PLA2G6: variants seen among roughly 807,000 people sequenced by gnomAD.
The protein encoded by PLA2G6 is 85/88 kDa calcium-independent phospholipase A2.
In PLA2G6, 62 loss-of-function variants were observed where a neutral mutation model predicts 83.8. That is an observed-to-expected ratio of 0.74 (90% CI 0.60 to 0.91). PLA2G6 has a LOEUF of 0.91. Among genes scored for constraint, PLA2G6 ranks in the 40% least tolerant of loss-of-function variants. The pLI is 0.00. For synonymous variants in PLA2G6, 417 were observed against 449.8 expected, an observed-to-expected ratio of 0.93 and a Z score of 0.92; for missense variants, 944 against 1,102.0, an observed-to-expected ratio of 0.86 and a Z score of 2.03.
At chr22:38,156,189 G>A (rs1293117637) in intron 2 of PLA2G6, among the ~76,000 whole-genome samples, 2 of 152,104 alleles carry the variant, frequency 1.3e-5, no homozygotes, top group African/African-American at 4.8e-5. Flanking sequence ...AGTATTCTTA[G>A]AGCTAAAGAG....
At chr22:38,168,519 C>T (rs1209836315) in intron 2 of PLA2G6, among the ~76,000 whole-genome samples, 1 of 152,192 alleles carries the variant, frequency 6.6e-6, no homozygotes, top group Admixed American at 6.5e-5. Flanking sequence ...CTAAGCAAAC[C>T]CTGGGCAGCC....
intron 5 of PLA2G6, chr22:38,138,012 T>C (rs1210251514): frequency 6.6e-6 from 1 of 152,248 alleles, no homozygotes; most frequent in Non-Finnish European, 1.5e-5. Flanking sequence ...GCCTCTTCCT[T>C]TGTCTTCTGT....
In PLA2G6 at chr22:38,115,533, G is replaced by C. The variant is rs561645994; in HGVS notation, c.2028C>G (p.Ile676Met). Residue 676 changes from isoleucine (I) to methionine (M), a missense_variant, in exon 14 of 17, where the codon ATC becomes ATG. By Grantham distance (10) the Ile-to-Met change is conservative (BLOSUM62 1). Coordinates refer to ENST00000332509, the MANE Select transcript of PLA2G6 (RefSeq NM_003560.4). ...TEIHEYNQDL[I>M]RKGQANKVKK... ...TCTGGCCTACGGCACTCACCTTGCG[G>C]ATCAGGTCCTGATTGTACTCATGGA... is the stretch of plus-strand genomic sequence containing the variant. 1 of 1,613,192 alleles carries C rather than the reference G, an allele frequency of 6.2e-7. No individual in the cohort carries two copies. The highest frequency in any genetic ancestry group is 1.3e-5 in the African/African-American group (1 of 75,064).
At chr22:38,165,645 G>A (rs132967) in intron 2 of PLA2G6, among the ~76,000 whole-genome samples, 17,701 of 152,038 alleles carry the variant, frequency 0.12, 1,254 homozygotes, top group African/African-American at 0.18. Flanking sequence ...AGGCTGAGGC[G>A]GGCAGATCAC....
intron 2 of PLA2G6, among the ~76,000 whole-genome samples, chr22:38,162,223 GA>G (rs1275564882): frequency 0.03 from 2,998 of 99,248 alleles, 41 homozygotes; most frequent in Middle Eastern, 0.065. Flanking sequence ...AAAAAAAAAA[GA>G]AAAAAAAAAA....
At chr22:38,122,221 C>T (rs1396768617) in intron 11 of PLA2G6, among the ~76,000 whole-genome samples, 4 of 152,110 alleles carry the variant, frequency 2.6e-5, no homozygotes, top group African/African-American at 9.7e-5. Context: ...GAGTCCTCCC[C>T]GGGCACCTCC....
At chr22:38,152,409 T>C (rs1473817800) in intron 2 of PLA2G6, among the ~76,000 whole-genome samples, 2 of 146,652 alleles carry the variant, frequency 1.4e-5, no homozygotes, top group African/African-American at 5.1e-5. Flanking sequence ...TTTCTCCATG[T>C]TGGTCAGGCT....
chr22:38,112,861 CT>C lies in PLA2G6; in HGVS notation c.2203-285del. The C allele has an allele frequency of 2.1e-5, 12 of 574,042 alleles. No individual in the cohort carries two copies. The South Asian group carries it at 2.5e-4, about 12-fold the overall frequency. The allele number at this position is 574,042 out of a possible 1,614,324, so 35.6% of individuals were successfully genotyped here. On this transcript the variant is annotated intron_variant, in intron 15 of 16. Coordinates refer to ENST00000332509, the MANE Select transcript of PLA2G6 (RefSeq NM_003560.4). ...CTGAGTCGACAGGCCTCCATGTCCC[CT>C]CTCCCTGAAGTTTCCCTCCCTCCCT...
At chr22:38,161,062 G>A (rs1404428026) in intron 2 of PLA2G6, among the ~76,000 whole-genome samples, 1 of 152,086 alleles carries the variant, frequency 6.6e-6, no homozygotes, top group Non-Finnish European at 1.5e-5. Flanking sequence ...GAAAACAGGA[G>A]GAGAAGAATG....
chr22:38,149,862 G>C (rs553198661), intron 2 of PLA2G6: 1 of 151,904 alleles, frequency 6.6e-6, no homozygotes, highest in Non-Finnish European at 1.5e-5. Flanking sequence ...TTGAACCAGC[G>C]GGGCGGAGGT....
chr22:38,120,949 C>A, intron 11 of PLA2G6, 40 bp from the exon 12 acceptor site: 1 of 1,609,386 alleles, frequency 6.2e-7, no homozygotes, highest in Non-Finnish European at 8.5e-7. Flanking sequence ...ATGCAGCGGC[C>A]ACACGCAGGG....
chr22:38,179,108 T>G (rs1346043321), intron 1 of PLA2G6, among the ~76,000 whole-genome samples: 1 of 152,086 alleles, frequency 6.6e-6, no homozygotes, highest in Non-Finnish European at 1.5e-5. Flanking sequence ...TGATCTTAAA[T>G]AAATACCTGA....
Position 38,179,788 on chromosome 22 carries a change from C to A in PLA2G6, c.-46+1876G>T, listed in dbSNP as rs552939079. Among the ~76,000 whole-genome samples, 8 of 151,912 alleles carry A rather than the reference C, an allele frequency of 5.3e-5. No homozygotes were observed. The East Asian group carries it at 1.6e-3, about 29-fold the overall frequency. ...ACTCTGTCTCAAAAAATAAATAAAT[C>A]AATAAATAAATACTTCAAGTTTGAA... On this transcript the variant is annotated intron_variant, in intron 1 of 16. Coordinates refer to ENST00000332509, the MANE Select transcript of PLA2G6 (RefSeq NM_003560.4).
At chr22:38,143,363 CAGGG>C in intron 3 of PLA2G6, 75 bp from the exon 4 acceptor site, 1 of 1,394,302 alleles carries the variant, frequency 7.2e-7, no homozygotes, top group Non-Finnish European at 1.0e-6. Flanking sequence ...AGTGCACATG[CAGGG>C]AAGTGCACTC....
chr22:38,143,013 C>A, intron 4 of PLA2G6, 92 bp downstream of exon 4: 1 of 1,178,262 alleles, frequency 8.5e-7, no homozygotes, highest in African/African-American at 1.5e-5. Flanking sequence ...CAGTGAGAGG[C>A]CTGAGAGTGA....
intron 12 of PLA2G6, among the ~76,000 whole-genome samples, chr22:38,118,565 A>C (rs1033824471): frequency 6.6e-6 from 1 of 152,172 alleles, no homozygotes; most frequent in East Asian, 1.9e-4. Context: ...TGATCTTTTC[A>C]TATTTTGAAA....
At chr22:38,166,230 G>C (rs1373549563) in intron 2 of PLA2G6, among the ~76,000 whole-genome samples, 1 of 152,176 alleles carries the variant, frequency 6.6e-6, no homozygotes, top group Non-Finnish European at 1.5e-5. Context: ...TCCCTGAGGA[G>C]GGGGAGATTG....
intron 12 of PLA2G6, among the ~76,000 whole-genome samples, chr22:38,117,374 A>G (rs569083614): frequency 2.0e-5 from 3 of 151,884 alleles, no homozygotes; most frequent in African/African-American, 7.3e-5. Context: ...CGCCCGGCTA[A>G]TTTTTTGTAT....
intron 15 of PLA2G6, among the ~76,000 whole-genome samples, chr22:38,113,150 G>A (rs1438108841): frequency 1.3e-5 from 2 of 152,090 alleles, no homozygotes; most frequent in South Asian, 2.1e-4. Flanking sequence ...CAAGTGGTCC[G>A]CCTGCCTTGG....
Sources: gnomAD v4.1 joint callset for allele counts (sites outside exome capture counted in the v4.1 genomes callset) on GRCh38, gnomAD v4.1.1 for gene constraint, MANE v1.5 for transcripts, NCBI Gene and HGNC (gene_info 2026-07-23, HGNC 2026-07-21) for gene names.